Variants in STIP1 observed in about 807,000 individuals in gnomAD.
The protein encoded by STIP1 is stress-induced-phosphoprotein 1.
STIP1 carries 16 observed loss-of-function variants against 77.4 expected under a neutral mutation model. The observed-to-expected ratio is 0.21, with a 90% CI of 0.14 to 0.31. The LOEUF is 0.31. Among genes scored for constraint, STIP1 ranks in the 10% least tolerant of loss-of-function variants. The probability of loss-of-function intolerance (pLI) is 1.00; values close to 1 mark genes in which losing one functional copy is unlikely to be tolerated. For missense variants in STIP1, 524 were observed against 684.8 expected, an observed-to-expected ratio of 0.77 and a Z score of 2.62; for synonymous variants, 258 against 246.6, an observed-to-expected ratio of 1.05 and a Z score of -0.44.
chr11:64,193,421 A>G (rs1946114399), intron 2 of STIP1, 134 bp downstream of exon 2: 1 of 769,362 alleles, frequency 1.3e-6, no homozygotes, highest in Non-Finnish European at 2.1e-6. Flanking sequence ...CCTCCTCAGA[A>G]ATGGCATTTT....
At chr11:64,199,497 A>G (rs1284833533) in intron 8 of STIP1, among the ~76,000 whole-genome samples, 1 of 127,284 alleles carries the variant, frequency 7.9e-6, no homozygotes, top group Non-Finnish European at 1.6e-5. Context: ...ACAGAGCGAG[A>G]CTCTATCTCA....
chr11:64,188,354 AAAAAAG>A (rs1162767669), intron 1 of STIP1, among the ~76,000 whole-genome samples: 246 of 151,964 alleles, frequency 1.6e-3, no homozygotes, highest in African/African-American at 5.2e-3. Flanking sequence ...AAAAAAAAAA[AAAAAAG>A]AAAAGAAACG....
In STIP1 at chr11:64,200,154, G is replaced by A; in HGVS notation, c.1121-15G>A. 2 of 1,609,942 alleles carry A rather than the reference G, an allele frequency of 1.2e-6. No homozygotes were observed. Among genetic ancestry groups the A allele is most frequent in the South Asian group, 1.1e-5 (1 of 90,720 alleles). On this transcript the variant is annotated splice_polypyrimidine_tract_variant and intron_variant, in intron 9 of 13. Transcript: ENST00000305218. ...TTTTGCTTTTTAAAAGACAGTCTTT[G>A]TTTTTCTTCCCCAGGGGACTATCCC...
intron 12 of STIP1, 31 bp downstream of exon 12, chr11:64,203,259 C>T (rs748195570): frequency 1.2e-6 from 2 of 1,610,262 alleles, no homozygotes; most frequent in South Asian, 1.1e-5. Context: ...CAGGGGCCCC[C>T]CCTGCCTCTT....
chr11:64,198,106 T>A, intron 8 of STIP1, 132 bp downstream of exon 8: 1 of 1,286,014 alleles, frequency 7.8e-7, no homozygotes. Context: ...TCACCCAGGC[T>A]GAAAGACAGT....
intron 2 of STIP1, among the ~76,000 whole-genome samples, chr11:64,193,966 G>A (rs1345625259): frequency 2.0e-5 from 3 of 152,208 alleles, no homozygotes; most frequent in East Asian, 3.8e-4. Flanking sequence ...GACCACAGTC[G>A]ATCAGAGGTG....
At chr11:64,185,888 G>A (rs1489734447), upstream of STIP1, 6 of 1,536,166 alleles carry the variant, frequency 3.9e-6, no homozygotes, top group Non-Finnish European at 4.4e-6. Context: ...CAATGGGCGC[G>A]GCCAGCGCGG....
At position 64,200,307 on chromosome 11, in the gene STIP1, T is replaced by TG. The variant is rs760470350; in HGVS notation, c.1245+19dup. ...CTGGCACTCAAGGTGACGAGACCTG[T>TG]GGGGGCGGCCATTACTGAAAGCCTG... On this transcript the variant is annotated intron_variant, in intron 10 of 13. Transcript: ENST00000305218. The TG allele has an allele frequency of 1.3e-6, 2 of 1,599,030 alleles. No homozygotes were observed. Among genetic ancestry groups the TG allele is most frequent in the South Asian group, 2.2e-5 (2 of 89,650 alleles).
At chr11:64,198,033 C>G (rs1946170361) in intron 8 of STIP1, 59 bp downstream of exon 8, 1 of 1,525,344 alleles carries the variant, frequency 6.6e-7, no homozygotes, top group Admixed American at 2.2e-5. Context: ...GCCATTGTTT[C>G]TTACTGTTTT....
chr11:64,202,829 CTT>C (rs1565284040), intron 10 of STIP1, 45 bp from the exon 11 acceptor site: 1 of 1,613,042 alleles, frequency 6.2e-7, no homozygotes, highest in Admixed American at 1.7e-5. Context: ...CTGTACTGAG[CTT>C]GTCCAAGGGA....
At chr11:64,198,319 TCTC>T (rs749083528) in intron 8 of STIP1, among the ~76,000 whole-genome samples, 1 of 152,050 alleles carries the variant, frequency 6.6e-6, no homozygotes, top group Non-Finnish European at 1.5e-5. Context: ...TTCAAGCAAT[TCTC>T]CTGCCTCAGC....
intron 8 of STIP1, 52 bp downstream of exon 8, chr11:64,198,026 ATT>A: frequency 1.3e-6 from 2 of 1,545,580 alleles, no homozygotes; most frequent in Non-Finnish European, 1.7e-6. Context: ...TAATTGAGCC[ATT>A]GTTTCTTACT....
intron 10 of STIP1, chr11:64,202,595 G>A (rs970611496): frequency 8.9e-5 from 40 of 447,762 alleles, no homozygotes; most frequent in Non-Finnish European, 6.9e-5. Flanking sequence ...AAAGCTCTCA[G>A]GACCAAGGCC....
intron 4 of STIP1, among the ~76,000 whole-genome samples, chr11:64,195,391 C>G (rs1205079669): frequency 2.0e-5 from 3 of 152,164 alleles, no homozygotes; most frequent in African/African-American, 7.2e-5. Context: ...GCTGGGATTA[C>G]AGGTGTGAGC....
rs186443073 is a variant in STIP1 at position 64,192,041 on chromosome 11, G to A, written c.10-1037G>A. Among the ~76,000 whole-genome samples, 806 of 152,176 alleles carry A rather than the reference G, an allele frequency of 5.3e-3. 4 individuals are homozygous for A. The highest frequency in any genetic ancestry group is 8.9e-3 in the Non-Finnish European group (603 of 68,002). On this transcript the variant is annotated intron_variant, in intron 1 of 13. Coordinates refer to ENST00000305218, the MANE Select transcript of STIP1 (RefSeq NM_006819.3). ...AAAACTGCTGTATCCCACCGGGCGC[G>A]GTGGCTCACACCTGTAATCCCAGCA...
chr11:64,204,274 C>T lies in STIP1; in HGVS notation c.*148C>T, dbSNP rs148340306. 2,271 of 763,020 alleles carry T rather than the reference C, an allele frequency of 3.0e-3. 18 individuals are homozygous for T. Among genetic ancestry groups the T allele is most frequent in the Non-Finnish European group, 3.1e-3 (1,486 of 482,976 alleles). The allele number at this position is 763,020 out of a possible 1,614,324, so 47.3% of individuals were successfully genotyped here. A position where few individuals can be genotyped will look rare whatever the true frequency, so the allele number is the denominator to read the frequency against. On this transcript the variant is annotated 3_prime_UTR_variant, in exon 14 of 14. Transcript: ENST00000305218. ...TAACCCCGGGGAAGACACAGAGACT[C>T]GTACCTGCGCTGTTTGTGCCGCCGC...
At chr11:64,194,759 G>A in intron 4 of STIP1, 139 bp downstream of exon 4, 1 of 1,099,596 alleles carries the variant, frequency 9.1e-7, no homozygotes, top group South Asian at 1.7e-5. Context: ...AGTAGGTGGT[G>A]GTCGTTTATT....
upstream of STIP1, chr11:64,186,139 G>A: frequency 1.3e-6 from 2 of 1,550,840 alleles, no homozygotes; most frequent in Non-Finnish European, 1.7e-6. Context: ...CCAGTGAGCA[G>A]GCGAGGAAGG....
At chr11:64,194,762 C>G (rs916311205) in intron 4 of STIP1, 142 bp downstream of exon 4, 1 of 1,067,402 alleles carries the variant, frequency 9.4e-7, no homozygotes, top group African/African-American at 1.6e-5. Context: ...AGGTGGTGGT[C>G]GTTTATTTGT....
Sources: gnomAD v4.1 joint callset for allele counts (sites outside exome capture counted in the v4.1 genomes callset) on GRCh38, gnomAD v4.1.1 for gene constraint, MANE v1.5 for transcripts, NCBI Gene and HGNC (gene_info 2026-07-23, HGNC 2026-07-21) for gene names.